The following MYO15A variants were observed in gnomAD, a reference collection of about 807,000 sequenced individuals.
MYO15A encodes unconventional myosin-XV.
In MYO15A, 308 loss-of-function variants were observed where a neutral mutation model predicts 394.6. The observed-to-expected ratio is 0.78, with a 90% CI of 0.71 to 0.86. The LOEUF (loss-of-function observed/expected upper bound fraction) is 0.86, where lower values mean the gene tolerates loss of function less well. MYO15A is among the 40% of genes least tolerant of loss of function. MYO15A has a pLI of 0.00. For synonymous variants in MYO15A, 1,957 were observed against 2,003.8 expected (o/e 0.98, Z 0.62); for missense variants, 4,606 against 4,799.1 (o/e 0.96, Z 1.19).
At chr17:18,166,093 C>T (rs929146619) in intron 60 of MYO15A, among the ~76,000 whole-genome samples, 1 of 152,240 alleles carries the variant, frequency 6.6e-6, no homozygotes, top group African/African-American at 2.4e-5. Flanking sequence ...CCCCTCTTTC[C>T]CCAGGAGAAA....
chr17:18,162,836 C>G (rs2046796150), intron 58 of MYO15A, among the ~76,000 whole-genome samples, 157 bp downstream of exon 58: 1 of 152,124 alleles, frequency 6.6e-6, no homozygotes, highest in Non-Finnish European at 1.5e-5. Flanking sequence ...CCCGTCTCTA[C>G]TAAAAATACA....
chr17:18,121,158 C>T lies in MYO15A; in HGVS notation c.2358C>T (p.Leu786=). The T allele has an allele frequency of 2.6e-6, 4 of 1,515,166 alleles. No individual in the cohort carries two copies. Among genetic ancestry groups the T allele is most frequent in the South Asian group, 1.2e-5 (1 of 81,842 alleles). The allele number at this position is 1,515,166 out of a possible 1,614,324, so 93.9% of individuals were successfully genotyped here. A position where few individuals can be genotyped will look rare whatever the true frequency, so the allele number is the denominator to read the frequency against. ...CCTCGCTGAGGAGCTCGCCGGGCCT[C>T]GGCTACTGCTCACCCTTGGCGCCCC... ...PQPSLRSSPG[L]GYCSPLAPPS... is the part of the protein sequence containing the mutation. Residue 786 remains leucine (L), a synonymous_variant, in exon 2 of 66, where the codon CTC becomes CTT. Transcript: ENST00000647165. This position sits in a 1 kb window ranked among gnomAD's most constrained non-coding sequence, Gnocchi z 5.3.
At chr17:18,167,892 A>G (rs1015639017) in intron 62 of MYO15A, among the ~76,000 whole-genome samples, 169 bp downstream of exon 62, 1 of 152,226 alleles carries the variant, frequency 6.6e-6, no homozygotes, top group Non-Finnish European at 1.5e-5. Flanking sequence ...AAGTCTTCCA[A>G]CTAGCCACAG....
At chr17:18,139,701 C>A (rs1471499470) in intron 19 of MYO15A, 90 bp downstream of exon 19, 20 of 1,457,820 alleles carry the variant, frequency 1.4e-5, no homozygotes, top group Non-Finnish European at 1.8e-5. Flanking sequence ...GACCGTGTTG[C>A]CACGTCCTGG....
Position 18,159,981 on chromosome 17 carries a change from T to C in MYO15A, c.9350T>C (p.Val3117Ala), listed in dbSNP as rs771065826. The change falls in exon 56 of 66, where the codon GTT becomes GCT. Residue 3117 changes from valine (V) to alanine (A), a missense_variant. Physicochemically the swap from Val to Ala is moderately conservative, Grantham distance 64 (BLOSUM62 0). This residue lies in a region of MYO15A where 2,776 missense variants were observed against 3,109.3 expected (regional missense o/e 0.89). Coordinates refer to ENST00000647165, the MANE Select transcript of MYO15A (RefSeq NM_016239.4). ...ATGCGGGATGAATGTTACTGCCAAG[T>C]TGTGAAGCAGATCACAGACAATACC... ...EVMRDECYCQ[V>A]VKQITDNTSS... is the part of the protein sequence containing the mutation. 3 of 1,613,792 alleles carry C rather than the reference T, an allele frequency of 1.9e-6. No homozygotes were observed. The highest frequency in any genetic ancestry group is 2.5e-6 in the Non-Finnish European group (3 of 1,180,004).
In MYO15A at chr17:18,160,112, C is replaced by T. The variant is rs1181264075; in HGVS notation, c.9386+95C>T. 1.2e-5 allele frequency: 15 copies of T among 1,201,956 alleles called. No individual in the cohort carries two copies. In the Admixed American group the frequency reaches 2.5e-4, roughly 20 times the overall value. The allele number at this position is 1,201,956 out of a possible 1,614,324, so 74.5% of individuals were successfully genotyped here. ...TCCCACCTCCTCAGGCCTGACCCCT[C>T]CTGGATTATCTTCCTCTCACCCTCA... On this transcript the variant is annotated intron_variant, in intron 56 of 65. Transcript: ENST00000647165.
intron 20 of MYO15A, 31 bp downstream of exon 20, chr17:18,140,696 C>T: frequency 6.2e-7 from 1 of 1,614,054 alleles, no homozygotes; most frequent in Non-Finnish European, 8.5e-7. Context: ...GCGGAGCACC[C>T]AGCCTCATCC....
At chr17:18,176,120 AATC>A (rs545247085) in intron 65 of MYO15A, among the ~76,000 whole-genome samples, 76 of 152,292 alleles carry the variant, frequency 5.0e-4, no homozygotes, top group African/African-American at 1.8e-3. Flanking sequence ...ATGGCTTGGA[AATC>A]ATTTAGTTAT....
rs914043374 is a variant in MYO15A, at chr17:18,143,735, A to G, written c.5985A>G (p.Val1995=). The change falls in exon 27 of 66, where the codon GTA becomes GTG. Residue 1995 remains valine (V), a synonymous_variant. Transcript: ENST00000647165. ...WEQEELSKRE[V]VAVGHLEVPA... Reference sequence around the variant, plus strand: ...TCTAGGAGCTGAGCAAGCGGGAGGTAGTCGCTGTGGGGCACCTGGAGGTAC... The same window carrying G: ...TCTAGGAGCTGAGCAAGCGGGAGGTGGTCGCTGTGGGGCACCTGGAGGTAC... The G allele has an allele frequency of 6.9e-6, 11 of 1,598,766 alleles. No individual in the cohort carries two copies. Among genetic ancestry groups the G allele is most frequent in the Non-Finnish European group, 9.4e-6 (11 of 1,173,232 alleles).
In MYO15A at chr17:18,148,588, T is replaced by C; in HGVS notation, c.6764+20T>C. On this transcript the variant is annotated intron_variant, in intron 32 of 65. Transcript: ENST00000647165. The surrounding 1 kb of genome is among the most constrained non-coding windows in gnomAD (Gnocchi z 4.8). ...GCACAGGTTGGCTCCTAGGATGCCCTCCCAGCACACTCTTATGTACCTGGA... is the reference window on the plus strand; with the variant it reads ...GCACAGGTTGGCTCCTAGGATGCCCCCCCAGCACACTCTTATGTACCTGGA... 1 of 1,551,202 alleles carries C rather than the reference T, an allele frequency of 6.4e-7. No individual in the cohort carries two copies. The highest frequency in any genetic ancestry group is 8.7e-7 in the Non-Finnish European group (1 of 1,146,858).
rs1567641863 is a variant in MYO15A, at chr17:18,138,920, G to A, written c.5117G>A (p.Gly1706Asp). The A allele has an allele frequency of 5.0e-6, 8 of 1,612,694 alleles. No homozygotes were observed. The highest frequency in any genetic ancestry group is 1.7e-5 in the Admixed American group (1 of 59,864). ...LPEFTIKHYA[G>D]KVTYQVHKFL... ...GAGTTCACCATCAAGCACTATGCAG[G>A]CAAGGTCACCTACCAGGTGAGCCCT... The change falls in exon 18 of 66, where the codon GGC (glycine) becomes GAC (aspartate). Residue 1706 changes from glycine to aspartate, a missense_variant. By Grantham distance (94) the Gly-to-Asp change is moderately conservative. Transcript: ENST00000647165.
At chr17:18,177,036 GA>G (rs2047024650) in intron 65 of MYO15A, 1 of 152,336 alleles carries the variant, frequency 6.6e-6, no homozygotes, top group Admixed American at 6.5e-5. Flanking sequence ...ATGGATGGAT[GA>G]AGGCCTCTTT....
Position 18,142,099 on chromosome 17 carries a change from A to G in MYO15A, c.5670A>G (p.Leu1890=). The change falls in exon 24 of 66, where the codon CTA becomes CTG. Residue 1890 remains leucine (L), a synonymous_variant. Coordinates refer to ENST00000647165, the MANE Select transcript of MYO15A (RefSeq NM_016239.4). ...CTTAGCTGTTCCTTAAGGAACACCT[A>G]TACCAGCTGCTGGAGAGTATGCGAG... The part of the protein sequence containing the change: ...GVSKLFLKEH[L]YQLLESMREH... 1 of 1,613,356 alleles carries G rather than the reference A, an allele frequency of 6.2e-7. No homozygotes were observed. Among genetic ancestry groups the G allele is most frequent in the East Asian group, 2.2e-5 (1 of 44,884 alleles).
At chr17:18,174,509 C>T (rs781661577) in intron 65 of MYO15A, among the ~76,000 whole-genome samples, 1 of 152,054 alleles carries the variant, frequency 6.6e-6, no homozygotes, top group African/African-American at 2.4e-5. Context: ...GAGGCTGAGG[C>T]GGGAGGATTG....
intron 33 of MYO15A, 53 bp downstream of exon 33, chr17:18,149,005 C>T (rs1466982550): frequency 4.7e-5 from 73 of 1,543,770 alleles, no homozygotes; most frequent in Non-Finnish European, 5.9e-5. Context: ...GGCAGAAGGC[C>T]GGCCACTCCC....
At position 18,119,933 on chromosome 17, in the gene MYO15A, TC is replaced by T. The variant is rs769260536; in HGVS notation, c.1137del (p.Tyr380MetfsTer64). The T allele has an allele frequency of 1.4e-4, 222 of 1,613,320 alleles. No individual in the cohort carries two copies. Among genetic ancestry groups the T allele is most frequent in the Non-Finnish European group, 1.8e-4 (210 of 1,179,974 alleles). On this transcript the variant is annotated frameshift_variant, in exon 2 of 66. Transcript: ENST00000647165. LOFTEE classifies it high-confidence loss of function. Reference protein sequence around the residue: ...YFDPYGVHYTVPYAEGVYGGG... With the variant: ...YFDPYGVHYTXPYAEGVYGGG... ...GATCCCTACGGAGTCCACTACACCG[TC>T]CCCTATGCCGAAGGCGTCTATGGCG...
rs374183624 is a variant in MYO15A, at chr17:18,142,239, G to A, written c.5810G>A (p.Arg1937His). ...HKIILLQSRA[R>H]GYLARQRYQQ... Reference sequence around the variant, plus strand: ...ATCATCCTGCTGCAAAGCCGGGCCCGTGGCTACCTTGCCAGGTGAGGCACA... The same window carrying A: ...ATCATCCTGCTGCAAAGCCGGGCCCATGGCTACCTTGCCAGGTGAGGCACA... The change falls in exon 24 of 66, where the codon CGT becomes CAT. Residue 1937 changes from arginine (R) to histidine (H), a missense_variant. Physicochemically the swap from Arg to His is conservative, Grantham distance 29. This residue lies in a region of MYO15A where 2,776 missense variants were observed against 3,109.3 expected (regional missense o/e 0.89). Coordinates refer to ENST00000647165, the MANE Select transcript of MYO15A (RefSeq NM_016239.4). 1.7e-5 allele frequency: 28 copies of A among 1,612,738 alleles called. No individual in the cohort carries two copies. Among genetic ancestry groups the A allele is most frequent in the African/African-American group, 2.7e-5 (2 of 75,024 alleles).
rs1339772427 is a variant in MYO15A at position 18,119,980 on chromosome 17, C to G, written c.1180C>G (p.Pro394Ala). Residue 394 changes from proline (P) to alanine (A), a missense_variant, in exon 2 of 66, where the codon CCC (proline) becomes GCC (alanine). Pro to Ala is a conservative substitution (Grantham distance 27). Around this residue, in one of 2 missense-constraint regions of MYO15A, gnomAD observed 1,830 missense variants for 1,689.7 expected, o/e 1.08. Transcript: ENST00000647165. Reference protein sequence around the residue: ...VYGGGDEAIYPPEVPYFYPEE... With the variant: ...VYGGGDEAIYAPEVPYFYPEE... Reference sequence around the variant, plus strand: ...TGGCGGTGGGGACGAGGCCATCTACCCCCCCGAGGTGCCCTATTTTTACCC... The same window carrying G: ...TGGCGGTGGGGACGAGGCCATCTACGCCCCCGAGGTGCCCTATTTTTACCC... The G allele has an allele frequency of 6.2e-7, 1 of 1,613,594 alleles. No individual in the cohort carries two copies. The highest frequency in any genetic ancestry group is 2.2e-5 in the East Asian group (1 of 44,880).
At chr17:18,122,548 G>A (rs2045959060) in intron 2 of MYO15A, 139 bp downstream of exon 2, 6 of 1,335,012 alleles carry the variant, frequency 4.5e-6, no homozygotes, top group Admixed American at 5.6e-5. Flanking sequence ...TGTAAGTTGG[G>A]GAGAACAGCC....
Sources: gnomAD v4.1 joint callset for allele counts (sites outside exome capture counted in the v4.1 genomes callset) on GRCh38, gnomAD v4.1.1 for gene constraint, gnomAD v4.1.1 regional missense constraint, Gnocchi (gnomAD v3.1) non-coding constraint, MANE v1.5 for transcripts, NCBI Gene and HGNC (gene_info 2026-07-23, HGNC 2026-07-21) for gene names.